The following KATNBL1 variants were observed in gnomAD, a reference collection of about 807,000 sequenced individuals.
KATNBL1 encodes katanin regulatory subunit B1 like 1.
KATNBL1 carries 28 observed loss-of-function variants against 44.7 expected under a neutral mutation model. The observed-to-expected ratio is 0.63, with a 90% CI of 0.46 to 0.86. The LOEUF (loss-of-function observed/expected upper bound fraction) is 0.86. Among genes scored for constraint, KATNBL1 ranks in the 40% least tolerant of loss-of-function variants. KATNBL1 has a pLI of 0.00. For missense variants in KATNBL1, 272 were observed against 350.7 expected (o/e 0.78, Z 1.79); for synonymous variants, 78 against 114.9 (o/e 0.68, Z 2.06).
At chr15:34,160,764 G>T (rs1422149274) in intron 2 of KATNBL1, among the ~76,000 whole-genome samples, 1 of 151,986 alleles carries the variant, frequency 6.6e-6, no homozygotes, top group Non-Finnish European at 1.5e-5. Flanking sequence ...TGATGGTTTT[G>T]GGGTAAGGCT....
intron 1 of KATNBL1, among the ~76,000 whole-genome samples, chr15:34,185,810 G>C (rs1889699780): frequency 6.6e-6 from 1 of 152,148 alleles, no homozygotes. Flanking sequence ...AATTAGGGAG[G>C]GGTAAGAAAG....
chr15:34,204,400 T>C (rs753409805), intron 1 of KATNBL1, among the ~76,000 whole-genome samples: 1 of 152,186 alleles, frequency 6.6e-6, no homozygotes, highest in African/African-American at 2.4e-5. Flanking sequence ...CAGTTGTCCC[T>C]CAGTATCTGA....
At chr15:34,143,998 A>G (rs531629370) in intron 9 of KATNBL1, among the ~76,000 whole-genome samples, 325 of 147,258 alleles carry the variant, frequency 2.2e-3, no homozygotes, top group Middle Eastern at 7.0e-3. Flanking sequence ...AGAATTCTAT[A>G]GAGTAAAATC....
Position 34,167,042 on chromosome 15 carries a change from C to T in KATNBL1, c.-14-3352G>A, listed in dbSNP as rs187707190. On this transcript the variant is annotated intron_variant, in intron 1 of 9. Coordinates refer to ENST00000256544, the MANE Select transcript of KATNBL1 (RefSeq NM_024713.3). ...AAAAAATCAGAACACCTCTTCTCCA[C>T]CAAAGGAACACAACTCCTCACCAGC... Among the ~76,000 whole-genome samples, 411 of 152,240 alleles carry T rather than the reference C, an allele frequency of 2.7e-3. 2 individuals carry two copies. Among genetic ancestry groups the T allele is most frequent in the Middle Eastern group, 0.01 (3 of 294 alleles).
At chr15:34,148,002 G>A (rs552286206) in intron 5 of KATNBL1, among the ~76,000 whole-genome samples, 107 of 152,116 alleles carry the variant, frequency 7.0e-4, no homozygotes, top group Admixed American at 7.2e-4. Flanking sequence ...CCACAAGCAC[G>A]TACCACTGTG....
At chr15:34,195,455 G>A (rs1221373016) in intron 1 of KATNBL1, among the ~76,000 whole-genome samples, 2 of 152,130 alleles carry the variant, frequency 1.3e-5, no homozygotes, top group African/African-American at 2.4e-5. Flanking sequence ...AAAGGTGGAT[G>A]ATGAAAGCTT....
At chr15:34,154,617 C>G (rs1567519639) in intron 3 of KATNBL1, 27 bp downstream of exon 3, 2 of 1,441,940 alleles carry the variant, frequency 1.4e-6, no homozygotes, top group African/African-American at 1.4e-5. Context: ...ATTTGTTGTT[C>G]CCCACAAACT....
intron 1 of KATNBL1, among the ~76,000 whole-genome samples, chr15:34,193,668 G>A (rs965469267): frequency 1.3e-5 from 2 of 150,744 alleles, no homozygotes; most frequent in African/African-American, 4.9e-5. Context: ...CCTGGGCAAC[G>A]TGGTGAAACC....
chr15:34,149,129 T>C (rs1028295472), intron 4 of KATNBL1, among the ~76,000 whole-genome samples: 10 of 152,246 alleles, frequency 6.6e-5, no homozygotes, highest in Non-Finnish European at 1.5e-4. Context: ...TGTAGTATCA[T>C]TTAAATTTAT....
intron 1 of KATNBL1, among the ~76,000 whole-genome samples, chr15:34,178,834 TCTTTAGGGC>T (rs1889424275): frequency 6.6e-6 from 1 of 151,338 alleles, no homozygotes. Flanking sequence ...TCTGGGATAA[TCTTTAGGGC>T]CTGTACGTAC....
rs200843874 is a variant in KATNBL1 at position 34,204,838 on chromosome 15, G to T, written c.-15+5113C>A. On this transcript the variant is annotated intron_variant, in intron 1 of 9. Coordinates refer to ENST00000256544, the MANE Select transcript of KATNBL1 (RefSeq NM_024713.3). ...TAAAAAGGTAGTTGGCTAAAATGCAGAAGTCCCTGAATGCTAGGTCAGGAA... is the reference window on the plus strand; with the variant it reads ...TAAAAAGGTAGTTGGCTAAAATGCATAAGTCCCTGAATGCTAGGTCAGGAA... 3.3e-5 allele frequency among the ~76,000 whole-genome samples: 5 copies of T among 152,192 alleles called. No homozygotes were observed. In the East Asian group the frequency reaches 9.6e-4, roughly 29 times the overall value.
In KATNBL1 at chr15:34,163,606, A is replaced by C. The variant is rs372785233; in HGVS notation, c.71T>G (p.Leu24Arg). 8.8e-6 allele frequency: 14 copies of C among 1,598,774 alleles called. No individual in the cohort carries two copies. The highest frequency in any genetic ancestry group is 1.2e-5 in the Non-Finnish European group (14 of 1,176,152). ...CNKIEDHFID[L>R]PRKKISNFTN... Reference sequence around the variant, plus strand: ...GAAATTAGAGATCTTTTTTCTAGGAAGATCAATGAAATGATCCTCAATCTT... The same window carrying C: ...GAAATTAGAGATCTTTTTTCTAGGACGATCAATGAAATGATCCTCAATCTT... The change falls in exon 2 of 10, where the codon CTT (leucine) becomes CGT (arginine). Residue 24 changes from leucine (L) to arginine (R), a missense_variant. Leu to Arg is a moderately radical substitution (Grantham distance 102). Transcript: ENST00000256544.
chr15:34,197,102 G>A (rs1402872065), intron 1 of KATNBL1, among the ~76,000 whole-genome samples: 2 of 152,186 alleles, frequency 1.3e-5, no homozygotes, highest in African/African-American at 4.8e-5. Flanking sequence ...ACTAGAGGTG[G>A]AGAACAACCA....
At chr15:34,190,486 G>A (rs1889843104) in intron 1 of KATNBL1, among the ~76,000 whole-genome samples, 1 of 152,152 alleles carries the variant, frequency 6.6e-6, no homozygotes, top group African/African-American at 2.4e-5. Context: ...ATAAAGGAAA[G>A]CTGTCTAGTT....
At chr15:34,186,320 G>A (rs950156898) in intron 1 of KATNBL1, among the ~76,000 whole-genome samples, 3 of 152,212 alleles carry the variant, frequency 2.0e-5, no homozygotes, top group African/African-American at 7.2e-5. Context: ...AGGTCCCCAT[G>A]CCGCTGCAGT....
chr15:34,184,043 C>T (rs1356822257), intron 1 of KATNBL1, among the ~76,000 whole-genome samples: 3 of 152,094 alleles, frequency 2.0e-5, no homozygotes, highest in Non-Finnish European at 2.9e-5. Flanking sequence ...GTGGCTCACG[C>T]CTGTAATCCC....
chr15:34,141,325 G>A lies in KATNBL1; in HGVS notation c.*1014C>T, dbSNP rs1278012292. The stretch of plus-strand genomic sequence containing the variant: ...TGTAAACCATTCTAAATCACTGTAT[G>A]TAACTCTTTAAAACATATGTAGTGA... On this transcript the variant is annotated 3_prime_UTR_variant, in exon 10 of 10. Coordinates refer to ENST00000256544, the MANE Select transcript of KATNBL1 (RefSeq NM_024713.3). The A allele has an allele frequency of 1.3e-5, 2 of 152,526 alleles. No homozygotes were observed. The highest frequency in any genetic ancestry group is 4.8e-5 in the African/African-American group (2 of 41,426). The allele number at this position is 152,526 out of a possible 1,614,324, so 9.4% of individuals were successfully genotyped here. A position where few individuals can be genotyped will look rare whatever the true frequency, so the allele number is the denominator to read the frequency against.
chr15:34,172,108 G>A (rs1344885558), intron 1 of KATNBL1, among the ~76,000 whole-genome samples: 3 of 151,906 alleles, frequency 2.0e-5, no homozygotes, highest in Non-Finnish European at 2.9e-5. Flanking sequence ...AAAAGAAGTG[G>A]AGATAAAGGT....
chr15:34,207,421 G>A (rs898777137), intron 1 of KATNBL1, among the ~76,000 whole-genome samples: 1 of 151,938 alleles, frequency 6.6e-6, no homozygotes, highest in African/African-American at 2.4e-5. Context: ...TGTTAGCCAG[G>A]ATGGTCTCGA....
Sources: gnomAD v4.1 joint callset for allele counts (sites outside exome capture counted in the v4.1 genomes callset) on GRCh38, gnomAD v4.1.1 for gene constraint, MANE v1.5 for transcripts, NCBI Gene and HGNC (gene_info 2026-07-23, HGNC 2026-07-21) for gene names.